FAM20A: variants seen among roughly 807,000 people sequenced by gnomAD.
The protein encoded by FAM20A is pseudokinase FAM20A.
In FAM20A, 42 loss-of-function variants were observed where a neutral mutation model predicts 52.0. The observed-to-expected ratio is 0.81, with a 90% confidence interval of 0.63 to 1.04. FAM20A has a LOEUF of 1.04. Among genes scored for constraint, FAM20A ranks in the 50% least tolerant of loss-of-function variants. The pLI is 0.00. For synonymous variants in FAM20A, 304 were observed against 298.9 expected, an observed-to-expected ratio of 1.02 and a Z score of -0.18; for missense variants, 742 against 712.7, an observed-to-expected ratio of 1.04 and a Z score of -0.47.
chr17:68,573,469 TTCTTTCTC>T (rs2087628353), intron 1 of FAM20A, among the ~76,000 whole-genome samples: 2 of 150,550 alleles, frequency 1.3e-5, no homozygotes, highest in Non-Finnish European at 3.0e-5. Flanking sequence ...CTTTCTTTCT[TTCTTTCTC>T]TTTCTTTCTT....
At chr17:68,562,788 C>CTG (rs142356298) in intron 1 of FAM20A, among the ~76,000 whole-genome samples, 1,761 of 152,288 alleles carry the variant, frequency 0.012, 19 homozygotes, top group Non-Finnish European at 0.018. Flanking sequence ...ATGACCCAAG[C>CTG]TGTGTCAATC....
chr17:68,597,288 G>A (rs2088480637), intron 1 of FAM20A, among the ~76,000 whole-genome samples: 1 of 151,876 alleles, frequency 6.6e-6, no homozygotes, highest in South Asian at 2.1e-4. Flanking sequence ...CACTGATTTG[G>A]CTTATTTTAT....
chr17:68,540,092 G>T, intron 8 of FAM20A, 126 bp from the exon 9 acceptor site: 1 of 780,682 alleles, frequency 1.3e-6, no homozygotes, highest in Non-Finnish European at 2.2e-6. Flanking sequence ...ACGAAGCTGG[G>T]CCTCACACTG....
Position 68,554,781 on chromosome 17 carries a change from G to A in FAM20A, c.636C>T (p.Thr212=). 6.2e-7 allele frequency: 1 copy of A among 1,614,026 alleles called. No individual in the cohort carries two copies. The highest frequency in any genetic ancestry group is 8.5e-7 in the Non-Finnish European group (1 of 1,179,992). The change falls in exon 3 of 11, where the codon ACC becomes ACT. Residue 212 remains threonine, a synonymous_variant. Coordinates refer to ENST00000592554, the MANE Select transcript of FAM20A (RefSeq NM_017565.4). ...EKALLGACDC[T]QIVKPSGVHL... ...GGGTGGGGCTAGGTCACTTACTCTG[G>A]GTGCAGTCACATGCCCCCAGCAAGG...
chr17:68,549,326 C>G (rs1406499592), intron 4 of FAM20A, among the ~76,000 whole-genome samples: 1 of 152,106 alleles, frequency 6.6e-6, no homozygotes, highest in Non-Finnish European at 1.5e-5. Flanking sequence ...GAAACCCTGT[C>G]TCTACTAAAT....
At chr17:68,539,655 C>T (rs1342014814) in intron 9 of FAM20A, among the ~76,000 whole-genome samples, 1 of 152,230 alleles carries the variant, frequency 6.6e-6, no homozygotes, top group Non-Finnish European at 1.5e-5. Flanking sequence ...TCGAAAACCT[C>T]ACCCTATTTC....
intron 3 of FAM20A, among the ~76,000 whole-genome samples, chr17:68,554,272 T>G (rs953091957): frequency 6.6e-6 from 1 of 152,020 alleles, no homozygotes; most frequent in Non-Finnish European, 1.5e-5. Flanking sequence ...GTCTAACTTT[T>G]TATATTTTTT....
chr17:68,599,150 A>G (rs935877033), intron 1 of FAM20A, among the ~76,000 whole-genome samples: 1 of 152,242 alleles, frequency 6.6e-6, no homozygotes, highest in African/African-American at 2.4e-5. Context: ...GCATTACAAA[A>G]TAATGAGCAA....
intron 3 of FAM20A, among the ~76,000 whole-genome samples, chr17:68,554,013 TAC>T (rs1480177240): frequency 4.0e-5 from 3 of 74,088 alleles, no homozygotes; most frequent in Admixed American, 2.7e-4. Flanking sequence ...TATGCATATA[TAC>T]ATATATACAT....
Position 68,600,198 on chromosome 17 carries a change from G to C in FAM20A, c.404+65C>G. 2 of 1,527,652 alleles carry C rather than the reference G, an allele frequency of 1.3e-6. No individual in the cohort carries two copies. Among genetic ancestry groups the C allele is most frequent in the Non-Finnish European group, 1.8e-6 (2 of 1,135,966 alleles). The allele number at this position is 1,527,652 out of a possible 1,614,324, so 94.6% of individuals were successfully genotyped here. ...GGGCCGGGGGCGTCAGGAAACTCGA[G>C]ACTGGGGCGCGGGGAGGCCCCGGCC... On this transcript the variant is annotated intron_variant, in intron 1 of 10. Transcript: ENST00000592554. This position sits in a 1 kb window ranked among gnomAD's most constrained non-coding sequence, Gnocchi z 6.2.
chr17:68,538,711 G>A (rs1028557737), intron 10 of FAM20A, among the ~76,000 whole-genome samples: 1 of 152,200 alleles, frequency 6.6e-6, no homozygotes, highest in Non-Finnish European at 1.5e-5. Flanking sequence ...GCAGAGGTCT[G>A]ATTAGTAATA....
chr17:68,563,061 G>A (rs560683943), intron 1 of FAM20A, among the ~76,000 whole-genome samples: 2 of 152,166 alleles, frequency 1.3e-5, no homozygotes, highest in South Asian at 4.2e-4. Context: ...TCCTCCAGCT[G>A]GTTAGGACTA....
rs775273366 is a variant in FAM20A, at chr17:68,537,293, C to G, written c.*184G>C. 7 of 796,550 alleles carry G rather than the reference C, an allele frequency of 8.8e-6. No homozygotes were observed. In the East Asian group the frequency reaches 1.1e-4, roughly 12 times the overall value. The allele number at this position is 796,550 out of a possible 1,614,324, so 49.3% of individuals were successfully genotyped here. On this transcript the variant is annotated 3_prime_UTR_variant, in exon 11 of 11. Transcript: ENST00000592554. The surrounding 1 kb of genome is among the most constrained non-coding windows in gnomAD (Gnocchi z 4.2). ...GGAGCAAGGCAACGCACGACAGAAG[C>G]GGTGCACCAAGGAGTAAAGATTCAG...
intron 7 of FAM20A, chr17:68,541,775 T>G: frequency 1.8e-6 from 1 of 544,228 alleles, no homozygotes; most frequent in South Asian, 2.7e-5. Context: ...ACACCTAGTG[T>G]TGGGTATATG....
chr17:68,568,034 T>C (rs2087428807), intron 1 of FAM20A, among the ~76,000 whole-genome samples: 1 of 151,958 alleles, frequency 6.6e-6, no homozygotes, highest in African/African-American at 2.4e-5. Flanking sequence ...TATTTCTTTA[T>C]AGCTGTGCAA....
intron 1 of FAM20A, among the ~76,000 whole-genome samples, chr17:68,560,563 T>C (rs56070799): frequency 0.37 from 56,109 of 152,034 alleles, 10,761 homozygotes; most frequent in East Asian, 0.55. Context: ...GCAGTCTGAA[T>C]AGATGAAGAC....
At chr17:68,581,463 TTTC>T (rs1456356239) in intron 1 of FAM20A, among the ~76,000 whole-genome samples, 2 of 6,200 alleles carry the variant, frequency 3.2e-4, no homozygotes, top group Non-Finnish European at 8.9e-4. Flanking sequence ...CTTTCTTTCC[TTTC>T]TTTCTTTCTT....
At chr17:68,540,586 C>A in intron 8 of FAM20A, 2 of 566,774 alleles carry the variant, frequency 3.5e-6, no homozygotes, top group Non-Finnish European at 6.7e-6. Flanking sequence ...ATACAGCTTC[C>A]AATCTGACGC....
chr17:68,544,562 G>A (rs901395140), intron 4 of FAM20A, among the ~76,000 whole-genome samples: 3 of 152,184 alleles, frequency 2.0e-5, no homozygotes, highest in African/African-American at 4.8e-5. Flanking sequence ...GTAAATAAAC[G>A]TGATGTTGCA....
Sources: gnomAD v4.1 joint callset for allele counts (sites outside exome capture counted in the v4.1 genomes callset) on GRCh38, gnomAD v4.1.1 for gene constraint, Gnocchi (gnomAD v3.1) non-coding constraint, MANE v1.5 for transcripts, NCBI Gene and HGNC (gene_info 2026-07-23, HGNC 2026-07-21) for gene names.